The following ADAM12 variants were observed in gnomAD, a reference collection of about 807,000 sequenced individuals.
ADAM12 encodes ADAM metallopeptidase domain 12.
Under a neutral mutation model 106.4 loss-of-function variants are expected in ADAM12, and 70 were observed. The observed-to-expected ratio is 0.66, with a 90% CI of 0.54 to 0.80. The LOEUF is 0.80. Ranked by LOEUF, ADAM12 falls within the 30% of genes least tolerant of loss-of-function variation. The probability of loss-of-function intolerance (pLI) is 0.00; values close to 1 mark genes in which losing one functional copy is unlikely to be tolerated. For missense variants in ADAM12, 1,010 were observed against 1,171.9 expected (o/e 0.86, Z 2.02); for synonymous variants, 420 against 433.5 (o/e 0.97, Z 0.39).
chr10:126,274,134 C>T (rs10901581), intron 3 of ADAM12, among the ~76,000 whole-genome samples: 62,284 of 151,898 alleles, frequency 0.41, 15,037 homozygotes, highest in Non-Finnish European at 0.54. Flanking sequence ...GAGTGCTCAT[C>T]GATGCCTATG....
intron 3 of ADAM12, among the ~76,000 whole-genome samples, chr10:126,228,041 C>A (rs1334919511): frequency 6.6e-6 from 1 of 152,024 alleles, no homozygotes; most frequent in Non-Finnish European, 1.5e-5. Context: ...TTCCAGAAGC[C>A]AGGGGAGGGA....
At chr10:126,052,162 T>C (rs1954520053) in intron 14 of ADAM12, among the ~76,000 whole-genome samples, 2 of 152,218 alleles carry the variant, frequency 1.3e-5, no homozygotes, top group Non-Finnish European at 2.9e-5. Context: ...GCACTGGGTC[T>C]CAGGTGTAGA....
At chr10:126,183,258 TAATAGA>T (rs1957345992) in intron 3 of ADAM12, among the ~76,000 whole-genome samples, 1 of 152,186 alleles carries the variant, frequency 6.6e-6, no homozygotes, top group African/African-American at 2.4e-5. Context: ...AACGTAATAA[TAATAGA>T]AATAAAGTGC....
At chr10:126,062,383 C>A (rs1275982890) in intron 14 of ADAM12, among the ~76,000 whole-genome samples, 1 of 152,048 alleles carries the variant, frequency 6.6e-6, no homozygotes, top group Non-Finnish European at 1.5e-5. Flanking sequence ...CAGGGAAGCC[C>A]CCTCCTTAGG....
intron 11 of ADAM12, among the ~76,000 whole-genome samples, chr10:126,075,178 G>A (rs969389028): frequency 6.6e-6 from 1 of 152,124 alleles, no homozygotes; most frequent in African/African-American, 2.4e-5. Flanking sequence ...TTTTGATGAC[G>A]AATGGTGATG....
chr10:126,087,643 T>C (rs1955383083), intron 11 of ADAM12, among the ~76,000 whole-genome samples: 2 of 152,298 alleles, frequency 1.3e-5, no homozygotes, highest in South Asian at 4.2e-4. Context: ...TTGGTAAAAT[T>C]CCAGCATGAC....
At position 126,121,396 on chromosome 10, in the gene ADAM12, T is replaced by C. The variant is rs1401257613; in HGVS notation, c.417-3172A>G. On this transcript the variant is annotated intron_variant, in intron 5 of 22. Coordinates refer to ENST00000448723, the MANE Select transcript of ADAM12 (RefSeq NM_001288973.2). Reference sequence around the variant, plus strand: ...GCAATTATATATTATATGCAATATATAATATATTGCATATTATATAATATG... The same window carrying C: ...GCAATTATATATTATATGCAATATACAATATATTGCATATTATATAATATG... Among the ~76,000 whole-genome samples, 15 of 128,334 alleles carry C rather than the reference T, an allele frequency of 1.2e-4. No individual in the cohort carries two copies. In the East Asian group the frequency reaches 3.2e-3, roughly 28 times the overall value. The allele number at this position is 128,334 out of a possible 152,430, so 84.2% of individuals were successfully genotyped here.
intron 14 of ADAM12, among the ~76,000 whole-genome samples, chr10:126,058,498 T>C (rs1954681912): frequency 6.6e-6 from 1 of 152,262 alleles, no homozygotes. Context: ...GACGTTTTAC[T>C]TCCTGGAAAG....
chr10:126,221,094 G>A (rs1024925526), intron 3 of ADAM12, among the ~76,000 whole-genome samples: 2 of 152,228 alleles, frequency 1.3e-5, no homozygotes, highest in African/African-American at 4.8e-5. Flanking sequence ...AGATTTAGAA[G>A]AGAAGGAGGC....
At chr10:126,199,144 A>G (rs1035537256) in intron 3 of ADAM12, among the ~76,000 whole-genome samples, 1 of 152,060 alleles carries the variant, frequency 6.6e-6, no homozygotes, top group African/African-American at 2.4e-5. Context: ...CAGGTTGAAG[A>G]CCCCAATAAG....
chr10:126,303,018 G>A (rs889481427), intron 2 of ADAM12, among the ~76,000 whole-genome samples: 1 of 152,186 alleles, frequency 6.6e-6, no homozygotes, highest in African/African-American at 2.4e-5. Context: ...AGCAAAGTAG[G>A]GAGCTGGGTG....
chr10:126,275,709 C>T (rs1959224097), intron 3 of ADAM12, among the ~76,000 whole-genome samples: 2 of 152,112 alleles, frequency 1.3e-5, no homozygotes, highest in Admixed American at 6.5e-5. Flanking sequence ...CTTCCAGAGG[C>T]CTCTCAAAAT....
At chr10:126,310,191 T>C (rs1444748226) in intron 2 of ADAM12, among the ~76,000 whole-genome samples, 1 of 151,150 alleles carries the variant, frequency 6.6e-6, no homozygotes, top group Non-Finnish European at 1.5e-5. Flanking sequence ...AGATGATATT[T>C]TGGAGTATTC....
At chr10:126,285,478 G>A (rs760313652) in intron 2 of ADAM12, among the ~76,000 whole-genome samples, 48 of 152,176 alleles carry the variant, frequency 3.2e-4, no homozygotes, top group Non-Finnish European at 5.6e-4. Context: ...TGTATTATGG[G>A]ACCTGGGCTG....
At chr10:126,115,691 T>C (rs1236300953) in intron 6 of ADAM12, among the ~76,000 whole-genome samples, 2 of 151,930 alleles carry the variant, frequency 1.3e-5, no homozygotes, top group Non-Finnish European at 2.9e-5. Context: ...GGCAGAAAAA[T>C]GCAGGGAAAA....
chr10:126,354,146 C>T (rs1306871579), intron 1 of ADAM12, among the ~76,000 whole-genome samples: 1 of 151,352 alleles, frequency 6.6e-6, no homozygotes, highest in Non-Finnish European at 1.5e-5. Context: ...GGTTTGGTGT[C>T]TATCTTTGGA....
chr10:126,225,463 G>A (rs1007816130), intron 3 of ADAM12, among the ~76,000 whole-genome samples: 2 of 152,196 alleles, frequency 1.3e-5, no homozygotes, highest in African/African-American at 4.8e-5. Flanking sequence ...TAGTGTGGGG[G>A]CAGAGCCAGA....
At chr10:126,311,578 C>G (rs945641837) in intron 2 of ADAM12, among the ~76,000 whole-genome samples, 1 of 152,102 alleles carries the variant, frequency 6.6e-6, no homozygotes, top group African/African-American at 2.4e-5. Context: ...TGATTAGAAG[C>G]TGGGAACTTC....
At chr10:126,162,889 C>T (rs182868697) in intron 3 of ADAM12, among the ~76,000 whole-genome samples, 1 of 152,284 alleles carries the variant, frequency 6.6e-6, no homozygotes, top group Admixed American at 6.5e-5. Flanking sequence ...ATCCCCAAAG[C>T]TGGAGGTGGG....
Sources: allele counts gnomAD v4.1 joint callset (sites outside exome capture counted in the v4.1 genomes callset), GRCh38; gene constraint gnomAD v4.1.1; transcripts MANE v1.5; gene names NCBI Gene and HGNC (gene_info 2026-07-23, HGNC 2026-07-21).